Variants in ADAMTS6 observed in about 807,000 individuals in gnomAD.
ADAMTS6 encodes the protein ADAM metallopeptidase with thrombospondin type 1 motif 6.
In ADAMTS6, 23 loss-of-function variants were observed where a neutral mutation model predicts 144.3. The ratio of observed to expected loss-of-function variants is 0.16; its 90% CI spans 0.11 to 0.23. ADAMTS6 has a LOEUF of 0.23. ADAMTS6 is among the 10% of genes least tolerant of loss of function. The pLI, the probability that ADAMTS6 is intolerant of heterozygous loss-of-function variation, is 1.00. For synonymous variants in ADAMTS6, 444 were observed against 457.5 expected (o/e 0.97, Z 0.38); for missense variants, 999 against 1,379.6 (o/e 0.72, Z 4.37).
At chr5:65,268,494 A>C (rs1761803985) in intron 12 of ADAMTS6, among the ~76,000 whole-genome samples, 1 of 152,110 alleles carries the variant, frequency 6.6e-6, no homozygotes. Context: ...CTCTGGCTGA[A>C]AGTTATATTA....
intron 7 of ADAMTS6, among the ~76,000 whole-genome samples, chr5:65,363,896 T>G (rs545195504): frequency 6.6e-6 from 1 of 152,214 alleles, no homozygotes; most frequent in Non-Finnish European, 1.5e-5. Context: ...AATGTTAATG[T>G]TGTGAAAAGC....
intron 7 of ADAMTS6, among the ~76,000 whole-genome samples, chr5:65,383,337 C>G (rs1752200025): frequency 6.6e-6 from 1 of 152,098 alleles, no homozygotes; most frequent in African/African-American, 2.4e-5. Context: ...GCAAACTGCT[C>G]TCCAGTTGTG....
rs1409198958 is a variant in ADAMTS6, at chr5:65,164,173, C to T, written c.3244+6444G>A. Reference sequence around the variant, plus strand: ...CAGTGGGCGCAGGCCAGTGGGTGCGCGCACCGTGCGCGAGCCGAAGCAGGG... The same window carrying T: ...CAGTGGGCGCAGGCCAGTGGGTGCGTGCACCGTGCGCGAGCCGAAGCAGGG... On this transcript the variant is annotated intron_variant, in intron 24 of 24. Coordinates refer to ENST00000381055, the MANE Select transcript of ADAMTS6 (RefSeq NM_197941.4). Among the ~76,000 whole-genome samples, 19 of 151,854 alleles carry T rather than the reference C, an allele frequency of 1.3e-4. No homozygotes were observed. In the South Asian group the frequency reaches 2.7e-3, roughly 22 times the overall value.
chr5:65,187,736 G>A (rs2112172546), intron 22 of ADAMTS6, among the ~76,000 whole-genome samples: 1 of 152,196 alleles, frequency 6.6e-6, no homozygotes, highest in Middle Eastern at 3.4e-3. Flanking sequence ...CAGTAAGAAG[G>A]AGAAAAACCA....
intron 22 of ADAMTS6, among the ~76,000 whole-genome samples, chr5:65,179,247 T>C (rs1339709107): frequency 6.6e-6 from 1 of 152,174 alleles, no homozygotes; most frequent in African/African-American, 2.4e-5. Flanking sequence ...TCCTATTATT[T>C]TATGGTTATT....
At position 65,334,989 on chromosome 5, in the gene ADAMTS6, T is replaced by G. The variant is rs186276212; in HGVS notation, c.1074-904A>C. Among the ~76,000 whole-genome samples the G allele has an allele frequency of 5.3e-3, 812 of 152,276 alleles. 9 individuals are homozygous for G. The highest frequency in any genetic ancestry group is 0.019 in the African/African-American group (789 of 41,558). The stretch of plus-strand genomic sequence containing the variant: ...AAGCGAAAAGATTTCAGTTAAAAAG[T>G]AAAGCTTCACAAACTACAGGGAAAT... On this transcript the variant is annotated intron_variant, in intron 7 of 24. Transcript: ENST00000381055.
chr5:65,242,091 G>A lies in ADAMTS6; in HGVS notation c.1933+13C>T, dbSNP rs761460846. ...GTGCTCAAGCATGAATGCTCTGTCA[G>A]GTTATACATTACCTCCAGTATAGGG... On this transcript the variant is annotated intron_variant, in intron 15 of 24. Coordinates refer to ENST00000381055, the MANE Select transcript of ADAMTS6 (RefSeq NM_197941.4). The A allele has an allele frequency of 6.4e-7, 1 of 1,552,796 alleles. No individual in the cohort carries two copies. Among genetic ancestry groups the A allele is most frequent in the Non-Finnish European group, 8.8e-7 (1 of 1,138,478 alleles).
At chr5:65,428,791 T>C (rs1240318704) in intron 7 of ADAMTS6, among the ~76,000 whole-genome samples, 3 of 152,182 alleles carry the variant, frequency 2.0e-5, no homozygotes, top group Non-Finnish European at 4.4e-5. Flanking sequence ...AACCCTTGTA[T>C]GGAAATCAAG....
At chr5:65,412,330 G>A (rs960570109) in intron 7 of ADAMTS6, among the ~76,000 whole-genome samples, 5 of 151,918 alleles carry the variant, frequency 3.3e-5, no homozygotes, top group Non-Finnish European at 5.9e-5. Flanking sequence ...GTTAGTCCTC[G>A]GAAGAGAGGA....
At position 65,371,830 on chromosome 5, in the gene ADAMTS6, C is replaced by A. The variant is rs1038969747; in HGVS notation, c.1074-37745G>T. ...CAAGACACATAATTGTCAGATTCAC[C>A]AAAGTTTAAATGAAGGAAAAAATGT... is the stretch of plus-strand genomic sequence containing the variant. On this transcript the variant is annotated intron_variant, in intron 7 of 24. Coordinates refer to ENST00000381055, the MANE Select transcript of ADAMTS6 (RefSeq NM_197941.4). 5.9e-5 allele frequency among the ~76,000 whole-genome samples: 9 copies of A among 152,118 alleles called. No homozygotes were observed. In the East Asian group the frequency reaches 1.7e-3, roughly 29 times the overall value.
intron 22 of ADAMTS6, among the ~76,000 whole-genome samples, chr5:65,181,645 T>G (rs2112138451): frequency 6.6e-6 from 1 of 152,324 alleles, no homozygotes; most frequent in South Asian, 2.1e-4. Context: ...TCTCTGTTAT[T>G]ATTGTATTCA....
At chr5:65,283,012 G>T (rs1405200156) in intron 11 of ADAMTS6, among the ~76,000 whole-genome samples, 1 of 152,056 alleles carries the variant, frequency 6.6e-6, no homozygotes, top group African/African-American at 2.4e-5. Context: ...TAAATTCTAG[G>T]CATGTTGGGT....
At chr5:65,210,784 C>G (rs1756472344) in intron 20 of ADAMTS6, 10 of 601,288 alleles carry the variant, frequency 1.7e-5, no homozygotes, top group South Asian at 1.5e-4. Context: ...TTACAAGAAA[C>G]AGTTCTCTCA....
chr5:65,358,355 A>G (rs966988035), intron 7 of ADAMTS6, among the ~76,000 whole-genome samples: 1 of 152,028 alleles, frequency 6.6e-6, no homozygotes, highest in African/African-American at 2.4e-5. Context: ...CCCACAGGTA[A>G]CATCATATTG....
chr5:65,438,338 G>T (rs1167684359), intron 7 of ADAMTS6, among the ~76,000 whole-genome samples: 1 of 152,146 alleles, frequency 6.6e-6, no homozygotes, highest in African/African-American at 2.4e-5. Context: ...GACCAGCCTG[G>T]CCAACATAGC....
At chr5:65,295,900 A>G (rs1012688621) in intron 10 of ADAMTS6, among the ~76,000 whole-genome samples, 4 of 152,100 alleles carry the variant, frequency 2.6e-5, no homozygotes, top group African/African-American at 9.6e-5. Flanking sequence ...TCTTATTTAC[A>G]TAATCCAAAA....
chr5:65,202,810 T>C (rs1183100248), intron 20 of ADAMTS6, among the ~76,000 whole-genome samples: 2 of 152,218 alleles, frequency 1.3e-5, no homozygotes, highest in East Asian at 3.9e-4. Flanking sequence ...AATTCTGCCA[T>C]GTTTAGTTAC....
At chr5:65,429,647 T>C (rs988308398) in intron 7 of ADAMTS6, among the ~76,000 whole-genome samples, 2 of 152,170 alleles carry the variant, frequency 1.3e-5, no homozygotes, top group African/African-American at 2.4e-5. Context: ...ATGTTTTGTA[T>C]ATGATATTGT....
chr5:65,476,258 T>G (rs540810589), intron 1 of ADAMTS6, among the ~76,000 whole-genome samples: 13 of 152,312 alleles, frequency 8.5e-5, no homozygotes, highest in African/African-American at 2.9e-4. Flanking sequence ...TCAAGCCTTC[T>G]GTAAAGACCC....
Sources: gnomAD v4.1 joint callset for allele counts (sites outside exome capture counted in the v4.1 genomes callset) on GRCh38, gnomAD v4.1.1 for gene constraint, MANE v1.5 for transcripts, NCBI Gene and HGNC (gene_info 2026-07-23, HGNC 2026-07-21) for gene names.